Variants in BCKDHA observed in about 807,000 individuals in gnomAD.
BCKDHA encodes branched chain keto acid dehydrogenase E1 subunit alpha.
Under a neutral mutation model 52.2 loss-of-function variants are expected in BCKDHA, and 43 were observed. The ratio of observed to expected loss-of-function variants is 0.82; its 90% CI spans 0.64 to 1.06. BCKDHA has a LOEUF of 1.06. Ranked by LOEUF, BCKDHA falls within the 50% of genes least tolerant of loss-of-function variation. The pLI, the probability that BCKDHA is intolerant of heterozygous loss-of-function variation, is 0.00. For synonymous variants in BCKDHA, 234 were observed against 247.9 expected (o/e 0.94, Z 0.53); for missense variants, 527 against 621.3 (o/e 0.85, Z 1.61).
In BCKDHA at chr19:41,424,687, C is replaced by G; in HGVS notation, c.*79C>G. Reference sequence around the variant, plus strand: ...CTCTAAGGGGAGCAGGGGGACCTGACAGCACACCACTGTCTTCCCCAGTCA... The same window carrying G: ...CTCTAAGGGGAGCAGGGGGACCTGAGAGCACACCACTGTCTTCCCCAGTCA... On this transcript the variant is annotated 3_prime_UTR_variant, in exon 9 of 9. Coordinates refer to ENST00000269980, the MANE Select transcript of BCKDHA (RefSeq NM_000709.4). 6.9e-7 allele frequency: 1 copy of G among 1,454,500 alleles called. No individual in the cohort carries two copies. The highest frequency in any genetic ancestry group is 9.3e-7 in the Non-Finnish European group (1 of 1,073,548). 90.1% of individuals were successfully genotyped at this position (1,454,500 alleles called of 1,614,324 possible). A position where few individuals can be genotyped will look rare whatever the true frequency, so the allele number is the denominator to read the frequency against.
chr19:41,413,453 C>T (rs1420371810), intron 3 of BCKDHA, among the ~76,000 whole-genome samples: 1 of 152,130 alleles, frequency 6.6e-6, no homozygotes, highest in African/African-American at 2.4e-5. Flanking sequence ...CCACCTGCTC[C>T]TCTCCCGCCT....
At chr19:41,411,117 G>T (rs1023622940) in intron 3 of BCKDHA, 108 bp downstream of exon 3, 12 of 1,255,306 alleles carry the variant, frequency 9.6e-6, no homozygotes, top group Non-Finnish European at 1.4e-5. Flanking sequence ...TTTTTTGGGG[G>T]GGTTCCATAG....
Position 41,422,370 on chromosome 19 carries a change from G to T in BCKDHA, c.853G>T (p.Ala285Ser). 6.2e-7 allele frequency: 1 copy of T among 1,614,140 alleles called. No homozygotes were observed. Among genetic ancestry groups the T allele is most frequent in the East Asian group, 2.2e-5 (1 of 44,888 alleles). Residue 285 changes from alanine to serine, a missense_variant and splice_region_variant, in exon 6 of 9, where the codon GCA becomes TCA. Ala to Ser is a moderately conservative substitution (Grantham distance 99, BLOSUM62 1). Transcript: ENST00000269980. Reference protein sequence around the residue: ...TSEQYRGDGIAARGPGYGIMS... With the variant: ...TSEQYRGDGISARGPGYGIMS... ...TGAGCAGTATCGCGGCGATGGCATT[G>T]GTATGGGCTCTGCTGGCTGCTCCCC... is the stretch of plus-strand genomic sequence containing the variant.
Position 41,419,235 on chromosome 19 carries a change from C to T in BCKDHA, c.585C>T (p.Tyr195=), listed in dbSNP as rs575806482. The T allele has an allele frequency of 2.1e-5, 34 of 1,614,234 alleles. No homozygotes were observed. Among genetic ancestry groups the T allele is most frequent in the Non-Finnish European group, 2.4e-5 (28 of 1,180,042 alleles). Residue 195 remains tyrosine (Y), a synonymous_variant, in exon 5 of 9, where the codon TAC becomes TAT. Transcript: ENST00000269980. ...AGGGGCGCCAGATGCCTGTCCACTA[C>T]GGCTGCAAGGAACGCCACTTCGTCA... ...LGKGRQMPVH[Y]GCKERHFVTI... is the part of the protein sequence containing the mutation.
chr19:41,401,746 T>C (rs1310453356), intron 1 of BCKDHA, among the ~76,000 whole-genome samples: 2 of 152,172 alleles, frequency 1.3e-5, no homozygotes, highest in Non-Finnish European at 2.9e-5. Context: ...TCTCTGACCC[T>C]AGCTAGTGGG....
chr19:41,418,575 A>ACTT, intron 4 of BCKDHA: 1 of 328,678 alleles, frequency 3.0e-6, no homozygotes, highest in South Asian at 2.3e-5. Context: ...TTTGTAGCCC[A>ACTT]GATTGGAGTG....
In BCKDHA at chr19:41,411,035, G is replaced by T. The variant is rs769086498; in HGVS notation, c.375+26G>T. On this transcript the variant is annotated intron_variant, in intron 3 of 8. Coordinates refer to ENST00000269980, the MANE Select transcript of BCKDHA (RefSeq NM_000709.4). ...GTGCGTGGGGACAGGACTAGGGGCGGGGGGCTGGAATTACCTGAGGTCCCC... is the reference window on the plus strand; with the variant it reads ...GTGCGTGGGGACAGGACTAGGGGCGTGGGGCTGGAATTACCTGAGGTCCCC... 1.2e-5 allele frequency: 19 copies of T among 1,611,890 alleles called. No homozygotes were observed. The East Asian group carries it at 4.2e-4, about 36-fold the overall frequency.
In BCKDHA at chr19:41,423,162, G is replaced by C; in HGVS notation, c.1160G>C (p.Arg387Pro). The change falls in exon 8 of 9, where the codon CGC (arginine) becomes CCC (proline). Residue 387 changes from arginine (R) to proline (P), a missense_variant. Physicochemically the swap from Arg to Pro is moderately radical, Grantham distance 103 (BLOSUM62 -2). Coordinates refer to ENST00000269980, the MANE Select transcript of BCKDHA (RefSeq NM_000709.4). ...EQEKAWRKQSRRKVMEAFEQA... is the reference protein window; with the variant it reads ...EQEKAWRKQSPRKVMEAFEQA... ...GAGAAGGCCTGGAGGAAGCAGTCCC[G>C]CAGGAAGGTGAGGGTGCCCCGCCCG... is the stretch of plus-strand genomic sequence containing the variant. 6.4e-7 allele frequency: 1 copy of C among 1,553,740 alleles called. No homozygotes were observed. The highest frequency in any genetic ancestry group is 8.7e-7 in the Non-Finnish European group (1 of 1,148,888).
At chr19:41,423,986 A>G (rs1037420361) in intron 8 of BCKDHA, among the ~76,000 whole-genome samples, 3 of 151,518 alleles carry the variant, frequency 2.0e-5, no homozygotes, top group South Asian at 4.2e-4. Flanking sequence ...GAGCAAGACT[A>G]TCTCTTAAAA....
chr19:41,413,911 G>T (rs1468298346), intron 3 of BCKDHA, 138 bp from the exon 4 acceptor site: 20 of 760,078 alleles, frequency 2.6e-5, no homozygotes, highest in African/African-American at 1.4e-4. Context: ...AGGAACCCCA[G>T]CATGGCCTGG....
intron 1 of BCKDHA, 64 bp downstream of exon 1, chr19:41,397,999 A>C: frequency 7.2e-7 from 1 of 1,385,364 alleles, no homozygotes; most frequent in South Asian, 1.2e-5. Flanking sequence ...CTATCTTCAG[A>C]GTGTGGGGTC....
At chr19:41,405,706 T>C (rs2039184907) in intron 1 of BCKDHA, among the ~76,000 whole-genome samples, 1 of 152,044 alleles carries the variant, frequency 6.6e-6, no homozygotes. Context: ...ATTACAGGCG[T>C]CTGCCACTGC....
At chr19:41,403,999 CAG>C (rs778440895) in intron 1 of BCKDHA, among the ~76,000 whole-genome samples, 8 of 152,282 alleles carry the variant, frequency 5.3e-5, no homozygotes, top group Admixed American at 6.5e-5. Flanking sequence ...TGTTTTGAGA[CAG>C]AGTCTTGCTC....
At chr19:41,413,976 C>T in intron 3 of BCKDHA, 73 bp from the exon 4 acceptor site, 1 of 1,288,300 alleles carries the variant, frequency 7.8e-7, no homozygotes, top group Non-Finnish European at 1.1e-6. Context: ...GGAAGCTGGG[C>T]AGGATTTGGA....
chr19:41,422,722 G>T lies in BCKDHA; in HGVS notation c.947G>T (p.Arg316Leu), dbSNP rs972403437. The change falls in exon 7 of 9, where the codon CGG becomes CTG. Residue 316 changes from arginine (R) to leucine (L), a missense_variant. Physicochemically the swap from Arg to Leu is moderately radical, Grantham distance 102. Coordinates refer to ENST00000269980, the MANE Select transcript of BCKDHA (RefSeq NM_000709.4). The part of the protein sequence containing the change: ...VYNATKEARR[R>L]AVAENQPFLI... ...AACGCCACAAAGGAGGCCCGACGGC[G>T]GGCTGTGGCAGAGAACCAGCCCTTC... The T allele has an allele frequency of 3.1e-6, 5 of 1,613,904 alleles. No homozygotes were observed. In the African/African-American group the frequency reaches 5.3e-5, roughly 17 times the overall value.
intron 1 of BCKDHA, among the ~76,000 whole-genome samples, chr19:41,404,422 T>G (rs2039171020): frequency 6.6e-6 from 1 of 151,832 alleles, no homozygotes; most frequent in African/African-American, 2.4e-5. Context: ...CCCGAGTAGC[T>G]GGGACTACAG....
In BCKDHA at chr19:41,414,099, G is replaced by C. The variant is rs748925009; in HGVS notation, c.426G>C (p.Val142=). 3.7e-6 allele frequency: 6 copies of C among 1,613,632 alleles called. No homozygotes were observed. Among genetic ancestry groups the C allele is most frequent in the Non-Finnish European group, 5.1e-6 (6 of 1,180,040 alleles). The change falls in exon 4 of 9, where the codon GTG becomes GTC. Residue 142 remains valine, a synonymous_variant. Transcript: ENST00000269980. ...MTNYGEEGTH[V]GSAAALDNTD... ...ACTATGGTGAGGAGGGCACGCACGT[G>C]GGGAGTGCCGCCGCCCTGGACAACA...
chr19:41,402,320 C>A (rs1485393382), intron 1 of BCKDHA, among the ~76,000 whole-genome samples: 1 of 152,178 alleles, frequency 6.6e-6, no homozygotes. Context: ...TCATTACAGT[C>A]TTCTAAGTGT....
intron 3 of BCKDHA, among the ~76,000 whole-genome samples, chr19:41,412,773 G>A (rs925037518): frequency 6.6e-6 from 1 of 151,382 alleles, no homozygotes; most frequent in Admixed American, 6.6e-5. Flanking sequence ...GCGCAATCTC[G>A]GCTCACTGCA....
Sources: allele counts gnomAD v4.1 joint callset (sites outside exome capture counted in the v4.1 genomes callset), GRCh38; gene constraint gnomAD v4.1.1; transcripts MANE v1.5; gene names NCBI Gene and HGNC (gene_info 2026-07-23, HGNC 2026-07-21).